The following N4BP2L2 variants were observed in gnomAD, a reference collection of about 807,000 sequenced individuals.
N4BP2L2 encodes NEDD4 binding protein 2 like 2.
In N4BP2L2, 50 loss-of-function variants were observed where a neutral mutation model predicts 56.2. That is an observed-to-expected ratio of 0.89 (90% CI 0.71 to 1.13). The LOEUF is 1.13. Among genes scored for constraint, N4BP2L2 ranks in the 50% most tolerant of loss-of-function variants. The pLI, the probability that N4BP2L2 is intolerant of heterozygous loss-of-function variation, is 0.00. For missense variants in N4BP2L2, 689 were observed against 693.8 expected (o/e 0.99, Z 0.08); for synonymous variants, 203 against 223.6 (o/e 0.91, Z 0.82).
At chr13:32,446,629 C>T in intron 6 of N4BP2L2, 1 of 868,594 alleles carries the variant, frequency 1.2e-6, no homozygotes, top group Non-Finnish European at 1.6e-6. Context: ...AGTCACTGTC[C>T]CTCAGAACAG....
chr13:32,501,996 A>T (rs1302338237), intron 6 of N4BP2L2, among the ~76,000 whole-genome samples: 6 of 152,158 alleles, frequency 3.9e-5, no homozygotes, highest in African/African-American at 1.4e-4. Flanking sequence ...GCCAATGAGG[A>T]ATATATCTTT....
chr13:32,490,325 A>G (rs1344519741), intron 6 of N4BP2L2, among the ~76,000 whole-genome samples: 1 of 152,004 alleles, frequency 6.6e-6, no homozygotes, highest in African/African-American at 2.4e-5. Flanking sequence ...TGTTTTGGAG[A>G]TGGAGTTTCG....
chr13:32,452,083 T>C (rs112309488), intron 6 of N4BP2L2, among the ~76,000 whole-genome samples: 17,356 of 147,116 alleles, frequency 0.12, 2,685 homozygotes, highest in African/African-American at 0.37. Flanking sequence ...TTTTTTGGGA[T>C]GGAGTTTCAC....
exon 7 of N4BP2L2, chr13:32,443,584 C>T: frequency 1.9e-6 from 3 of 1,611,306 alleles, no homozygotes; most frequent in East Asian, 2.2e-5. Flanking sequence ...CATAAATAAG[C>T]ATGAAGTTTC....
exon 1 of N4BP2L2, chr13:32,538,650 C>A (rs1453249231): frequency 3.0e-6 from 3 of 985,374 alleles, no homozygotes; most frequent in Non-Finnish European, 3.6e-6. Context: ...ACCTTTACCT[C>A]CCAATAAAAC....
At chr13:32,473,416 C>G (rs190214756) in intron 6 of N4BP2L2, among the ~76,000 whole-genome samples, 1 of 152,014 alleles carries the variant, frequency 6.6e-6, no homozygotes, top group Non-Finnish European at 1.5e-5. Context: ...TGAACATTGA[C>G]TGGATCCTAG....
chr13:32,437,784 G>A (rs1384142596), intron 8 of N4BP2L2, among the ~76,000 whole-genome samples: 2 of 152,172 alleles, frequency 1.3e-5, no homozygotes, highest in African/African-American at 4.8e-5. Context: ...CCTACAGTGG[G>A]CACCTTAGTC....
intron 6 of N4BP2L2, among the ~76,000 whole-genome samples, chr13:32,466,150 A>G (rs558309984): frequency 6.6e-6 from 1 of 152,198 alleles, no homozygotes; most frequent in Non-Finnish European, 1.5e-5. Flanking sequence ...CCATCTATCC[A>G]TCAATAGATC....
chr13:32,477,156 A>G (rs773963493), intron 6 of N4BP2L2: 4 of 568,548 alleles, frequency 7.0e-6, no homozygotes, highest in Non-Finnish European at 1.0e-5. Context: ...ACACCAGCTG[A>G]GCAGTCTGAG....
upstream of N4BP2L2, chr13:32,538,793 G>A: frequency 1.0e-6 from 1 of 985,468 alleles, no homozygotes; most frequent in Non-Finnish European, 1.2e-6. Context: ...TACGCAAGAT[G>A]GCGGTCACCT....
intron 6 of N4BP2L2, among the ~76,000 whole-genome samples, chr13:32,465,072 T>TTC (rs1242574507): frequency 2.6e-5 from 4 of 152,170 alleles, no homozygotes; most frequent in African/African-American, 7.2e-5. Flanking sequence ...TTTCCAGTGA[T>TTC]TCTCTTGCCT....
intron 6 of N4BP2L2, among the ~76,000 whole-genome samples, chr13:32,498,379 T>G (rs2089248464): frequency 6.6e-6 from 1 of 151,016 alleles, no homozygotes; most frequent in East Asian, 2.0e-4. Context: ...CAGAATCTCG[T>G]TCTGTTGCCC....
intron 4 of N4BP2L2, 167 bp downstream of exon 4, chr13:32,522,015 T>TA (rs1351094976): frequency 3.0e-5 from 17 of 573,648 alleles, no homozygotes; most frequent in Non-Finnish European, 4.2e-5. Flanking sequence ...ACATGTTCCT[T>TA]AAAAAACATC....
At chr13:32,503,965 T>C (rs1345510306) in intron 6 of N4BP2L2, among the ~76,000 whole-genome samples, 2 of 152,136 alleles carry the variant, frequency 1.3e-5, no homozygotes, top group Non-Finnish European at 2.9e-5. Flanking sequence ...CACTGCACTC[T>C]AGCCTGGCAG....
chr13:32,511,875 C>T (rs2048218058), exon 6 of N4BP2L2: 1 of 151,456 alleles, frequency 6.6e-6, no homozygotes, highest in Admixed American at 6.6e-5. Context: ...AAAAGGAAAA[C>T]AAAGAACCCA....
chr13:32,497,178 C>G (rs989584934), intron 6 of N4BP2L2, among the ~76,000 whole-genome samples: 2 of 152,136 alleles, frequency 1.3e-5, no homozygotes, highest in African/African-American at 4.8e-5. Flanking sequence ...TTCCACAATA[C>G]AGAGAGGGAA....
chr13:32,529,784 G>C (rs1257916643), intron 2 of N4BP2L2, among the ~76,000 whole-genome samples: 2 of 151,188 alleles, frequency 1.3e-5, no homozygotes, highest in Non-Finnish European at 2.9e-5. Context: ...GGAGTGCAGT[G>C]GTGTGATCTC....
intron 6 of N4BP2L2, among the ~76,000 whole-genome samples, chr13:32,483,020 T>C (rs756995710): frequency 2.6e-5 from 4 of 152,240 alleles, no homozygotes; most frequent in African/African-American, 4.8e-5. Flanking sequence ...TGAATTTTCA[T>C]CCAATTATTT....
At chr13:32,455,642 GC>G (rs2138580628) in intron 6 of N4BP2L2, among the ~76,000 whole-genome samples, 1 of 152,262 alleles carries the variant, frequency 6.6e-6, no homozygotes, top group East Asian at 1.9e-4. Flanking sequence ...ACCCTGCCCT[GC>G]CCACTACAGC....
Sources: gnomAD v4.1 joint callset for allele counts (sites outside exome capture counted in the v4.1 genomes callset) on GRCh38, gnomAD v4.1.1 for gene constraint, MANE v1.5 for transcripts, NCBI Gene and HGNC (gene_info 2026-07-23, HGNC 2026-07-21) for gene names.